ITGB1BP1: variants seen among roughly 807,000 people sequenced by gnomAD.
ITGB1BP1 encodes integrin subunit beta 1 binding protein 1.
A neutral mutation model predicts 28.0 loss-of-function variants in ITGB1BP1; 20 were observed. That is an observed-to-expected ratio of 0.71 (90% CI 0.50 to 1.04). The LOEUF is 1.04. Among genes scored for constraint, ITGB1BP1 ranks in the 50% least tolerant of loss-of-function variants. The pLI is 0.00. For missense variants in ITGB1BP1, 228 were observed against 242.5 expected (o/e 0.94, Z 0.40); for synonymous variants, 103 against 89.5 (o/e 1.15, Z -0.85).
chr2:9,404,555 T>C lies in ITGB1BP1; in HGVS notation c.*2279A>G, dbSNP rs1431703115. 1.3e-5 allele frequency: 2 copies of C among 152,430 alleles called. No homozygotes were observed. The highest frequency in any genetic ancestry group is 4.8e-5 in the African/African-American group (2 of 41,440). The allele number at this position is 152,430 out of a possible 1,614,324, so 9.4% of individuals were successfully genotyped here. A position where few individuals can be genotyped will look rare whatever the true frequency, so the allele number is the denominator to read the frequency against. ...GAGGGTAAGATTCATAGTAGGAATATTGGAAATTTTGGCACTCTGAGAATA... is the reference window on the plus strand; with the variant it reads ...GAGGGTAAGATTCATAGTAGGAATACTGGAAATTTTGGCACTCTGAGAATA... On this transcript the variant is annotated 3_prime_UTR_variant, in exon 7 of 7. Transcript: ENST00000355346.
intron 3 of ITGB1BP1, 133 bp downstream of exon 3, chr2:9,414,045 A>G (rs767310594): frequency 2.2e-5 from 17 of 775,448 alleles, no homozygotes; most frequent in Non-Finnish European, 3.1e-5. Flanking sequence ...GTCCACTTCT[A>G]AACTCTTGTC....
At chr2:9,417,211 G>C (rs1399591883) in intron 2 of ITGB1BP1, among the ~76,000 whole-genome samples, 1 of 151,838 alleles carries the variant, frequency 6.6e-6, no homozygotes, top group East Asian at 1.9e-4. Context: ...ACCTGCACCT[G>C]CCTCGCCCAG....
At chr2:9,414,564 G>A (rs1372699014) in intron 2 of ITGB1BP1, among the ~76,000 whole-genome samples, 2 of 152,210 alleles carry the variant, frequency 1.3e-5, no homozygotes, top group South Asian at 2.1e-4. Flanking sequence ...TGCCTTCTAT[G>A]AATATTCTTG....
Position 9,423,472 on chromosome 2 carries a change from G to A in ITGB1BP1, c.-135C>T. ...GGCAGCTACTCCCGTTCCCGCTCCA[G>A]CGCCGGCTTTTCCAGCCCTCCTGCC... On this transcript the variant is annotated 5_prime_UTR_variant, in exon 1 of 7. Transcript: ENST00000355346. 1 of 1,187,380 alleles carries A rather than the reference G, an allele frequency of 8.4e-7. No individual in the cohort carries two copies. Among genetic ancestry groups the A allele is most frequent in the Non-Finnish European group, 1.1e-6 (1 of 949,534 alleles). The allele number at this position is 1,187,380 out of a possible 1,614,324, so 73.6% of individuals were successfully genotyped here. A position where few individuals can be genotyped will look rare whatever the true frequency, so the allele number is the denominator to read the frequency against.
At chr2:9,417,458 C>CA (rs763808310) in intron 2 of ITGB1BP1, among the ~76,000 whole-genome samples, 1 of 151,832 alleles carries the variant, frequency 6.6e-6, no homozygotes, top group Non-Finnish European at 1.5e-5. Flanking sequence ...CTTGCTCTGT[C>CA]ACCCAGGCTG....
Position 9,422,687 on chromosome 2 carries a change from C to T in ITGB1BP1, c.-36+686G>A, listed in dbSNP as rs149889831. ...TGGCAGGGGACGCGCTTACTGAAGC[C>T]GAGAACTTTCTGGGGAGGTGACACC... On this transcript the variant is annotated intron_variant, in intron 1 of 6. Transcript: ENST00000355346. 7.5e-4 allele frequency: 736 copies of T among 985,576 alleles called. 3 individuals carry two copies. In the African/African-American group the frequency reaches 0.012, roughly 16 times the overall value. The allele number at this position is 985,576 out of a possible 1,614,324, so 61.1% of individuals were successfully genotyped here.
intron 4 of ITGB1BP1, among the ~76,000 whole-genome samples, chr2:9,409,593 G>A (rs564565659): frequency 1.3e-5 from 2 of 152,088 alleles, no homozygotes; most frequent in East Asian, 3.9e-4. Flanking sequence ...GTTGCGGCTC[G>A]TTCTTGGAAC....
rs1677424639 is a variant in ITGB1BP1 at position 9,406,667 on chromosome 2, G to T, written c.*167C>A. 1 of 628,174 alleles carries T rather than the reference G, an allele frequency of 1.6e-6. No homozygotes were observed. Among genetic ancestry groups the T allele is most frequent in the Admixed American group, 2.6e-5 (1 of 38,612 alleles). 38.9% of individuals were successfully genotyped at this position (628,174 alleles called of 1,614,324 possible). A position where few individuals can be genotyped will look rare whatever the true frequency, so the allele number is the denominator to read the frequency against. ...ACTTCATTGAGAGTTAACTCACTGT[G>T]TAATAGGACACATTTTAATAAACAA... On this transcript the variant is annotated 3_prime_UTR_variant, in exon 7 of 7. Coordinates refer to ENST00000355346, the MANE Select transcript of ITGB1BP1 (RefSeq NM_004763.5).
chr2:9,404,005 C>G lies in ITGB1BP1; in HGVS notation c.*2829G>C, dbSNP rs1045289606. ...TAGGGTAACTACAGTTCATTCTGTT[C>G]CAGGTTATATAAAACTGCATTTCCT... On this transcript the variant is annotated 3_prime_UTR_variant, in exon 7 of 7. Coordinates refer to ENST00000355346, the MANE Select transcript of ITGB1BP1 (RefSeq NM_004763.5). 6.6e-6 allele frequency: 1 copy of G among 152,172 alleles called. No individual in the cohort carries two copies. Among genetic ancestry groups the G allele is most frequent in the East Asian group, 1.9e-4 (1 of 5,202 alleles). The allele number at this position is 152,172 out of a possible 1,614,324, so 9.4% of individuals were successfully genotyped here.
In ITGB1BP1 at chr2:9,406,708, C is replaced by G. The variant is rs1247689195; in HGVS notation, c.*126G>C. On this transcript the variant is annotated 3_prime_UTR_variant, in exon 7 of 7. Coordinates refer to ENST00000355346, the MANE Select transcript of ITGB1BP1 (RefSeq NM_004763.5). The stretch of plus-strand genomic sequence containing the variant: ...TAATAAACAAATGATCAGCATTTTA[C>G]ACAATCCATTTTCTTCAGAAAATCT... 4.2e-6 allele frequency: 3 copies of G among 713,190 alleles called. No individual in the cohort carries two copies. The highest frequency in any genetic ancestry group is 7.6e-6 in the Non-Finnish European group (3 of 392,814). 44.2% of individuals were successfully genotyped at this position (713,190 alleles called of 1,614,324 possible).
At chr2:9,422,999 G>A in intron 1 of ITGB1BP1, 1 of 988,206 alleles carries the variant, frequency 1.0e-6, no homozygotes, top group Non-Finnish European at 1.2e-6. Flanking sequence ...CCTTCCAAGC[G>A]CTGGGTGCGG....
intron 4 of ITGB1BP1, among the ~76,000 whole-genome samples, chr2:9,409,587 C>T (rs777060567): frequency 5.3e-5 from 8 of 152,154 alleles, no homozygotes; most frequent in Admixed American, 6.5e-5. Flanking sequence ...CTGAACGTTG[C>T]GGCTCGTTCT....
intron 1 of ITGB1BP1, chr2:9,419,992 T>C: frequency 1.1e-6 from 1 of 887,220 alleles, no homozygotes; most frequent in South Asian, 5.2e-5. Context: ...CTGCTTACTA[T>C]AGAATTGAAC....
Position 9,406,681 on chromosome 2 carries a change from TTTAATAAACAAA to T in ITGB1BP1, c.*141_*152del. The T allele has an allele frequency of 1.5e-6, 1 of 646,944 alleles. No homozygotes were observed. The highest frequency in any genetic ancestry group is 2.8e-6 in the Non-Finnish European group (1 of 356,238). 40.1% of individuals were successfully genotyped at this position (646,944 alleles called of 1,614,324 possible). A position where few individuals can be genotyped will look rare whatever the true frequency, so the allele number is the denominator to read the frequency against. ...TAACTCACTGTGTAATAGGACACAT[TTTAATAAACAAA>T]TGATCAGCATTTTACACAATCCATT... On this transcript the variant is annotated 3_prime_UTR_variant, in exon 7 of 7. Coordinates refer to ENST00000355346, the MANE Select transcript of ITGB1BP1 (RefSeq NM_004763.5).
chr2:9,417,497 G>A (rs2148904052), intron 2 of ITGB1BP1, among the ~76,000 whole-genome samples: 1 of 151,930 alleles, frequency 6.6e-6, no homozygotes, highest in East Asian at 1.9e-4. Context: ...TCAGCTCACT[G>A]CAACCTTCGA....
In ITGB1BP1 at chr2:9,414,342, T is replaced by C. The variant is rs933044322; in HGVS notation, c.73-86A>G. ...CCTCTAACCCATTCACATCATTTAT[T>C]AGAGTTGAGCTGACACATACAAAAC... On this transcript the variant is annotated intron_variant, in intron 2 of 6. Transcript: ENST00000355346. 173 of 924,756 alleles carry C rather than the reference T, an allele frequency of 1.9e-4. 1 individual carries two copies. In the Admixed American group the frequency reaches 3.5e-3, roughly 19 times the overall value. The allele number at this position is 924,756 out of a possible 1,614,324, so 57.3% of individuals were successfully genotyped here. A position where few individuals can be genotyped will look rare whatever the true frequency, so the allele number is the denominator to read the frequency against.
At chr2:9,410,165 A>T (rs1040764067) in intron 4 of ITGB1BP1, among the ~76,000 whole-genome samples, 1 of 152,088 alleles carries the variant, frequency 6.6e-6, no homozygotes, top group African/African-American at 2.4e-5. Flanking sequence ...CTTAAATGGC[A>T]ATTTAGATTC....
intron 1 of ITGB1BP1, chr2:9,422,826 C>T: frequency 1.0e-6 from 1 of 986,234 alleles, no homozygotes; most frequent in South Asian, 4.7e-5. Flanking sequence ...GATAACAGCC[C>T]CTTTCAAACG....
At chr2:9,419,724 G>A (rs553731170) in intron 1 of ITGB1BP1, among the ~76,000 whole-genome samples, 4 of 152,176 alleles carry the variant, frequency 2.6e-5, no homozygotes, top group East Asian at 1.9e-4. Flanking sequence ...CAGAACTCCC[G>A]GGACAGTTCT....
Sources: gnomAD v4.1 joint callset for allele counts (sites outside exome capture counted in the v4.1 genomes callset) on GRCh38, gnomAD v4.1.1 for gene constraint, MANE v1.5 for transcripts, NCBI Gene and HGNC (gene_info 2026-07-23, HGNC 2026-07-21) for gene names.